Variants in FNTA observed in about 807,000 individuals in gnomAD.
FNTA encodes the protein farnesyltransferase, CAAX box, subunit alpha.
In FNTA, 27 loss-of-function variants were observed where a neutral mutation model predicts 55.2. The ratio of observed to expected loss-of-function variants is 0.49; its 90% confidence interval spans 0.36 to 0.67. FNTA has a LOEUF of 0.67. Ranked by LOEUF, FNTA falls within the 30% of genes least tolerant of loss-of-function variation. The pLI is 0.00. For synonymous variants in FNTA, 176 were observed against 170.7 expected (o/e 1.03, Z -0.24); for missense variants, 422 against 464.7 (o/e 0.91, Z 0.85).
At chr8:43,057,130 C>T (rs919146098) in intron 1 of FNTA, 3 of 152,218 alleles carry the variant, frequency 2.0e-5, no homozygotes, top group African/African-American at 7.2e-5. Flanking sequence ...CCTGCATCGC[C>T]TCGTACATAA....
At chr8:43,067,533 A>G (rs996366518) in intron 3 of FNTA, among the ~76,000 whole-genome samples, 1 of 152,174 alleles carries the variant, frequency 6.6e-6, no homozygotes, top group Non-Finnish European at 1.5e-5. Flanking sequence ...TGGAACTGAC[A>G]GTACACTTAA....
At chr8:43,076,616 G>A (rs990809682) in intron 5 of FNTA, 1 of 152,108 alleles carries the variant, frequency 6.6e-6, no homozygotes. Flanking sequence ...GGTGGCTTAC[G>A]CCTGTAATCC....
At chr8:43,061,273 T>TA (rs1353088128) in intron 2 of FNTA, among the ~76,000 whole-genome samples, 1 of 152,204 alleles carries the variant, frequency 6.6e-6, no homozygotes, top group African/African-American at 2.4e-5. Flanking sequence ...CATGAGAAGA[T>TA]ATGCACAGGA....
At chr8:43,063,161 G>T in intron 2 of FNTA, 1 of 427,042 alleles carries the variant, frequency 2.3e-6, no homozygotes, top group Non-Finnish European at 4.7e-6. Context: ...GCTCACTGCA[G>T]CCTTGACCTC....
chr8:43,056,615 G>A, intron 1 of FNTA, 69 bp downstream of exon 1: 1 of 1,063,020 alleles, frequency 9.4e-7, no homozygotes, highest in Non-Finnish European at 1.2e-6. Flanking sequence ...GACCCGCGGC[G>A]CGCGCTTCCG....
chr8:43,058,132 A>C (rs911391930), intron 1 of FNTA, among the ~76,000 whole-genome samples: 1 of 152,096 alleles, frequency 6.6e-6, no homozygotes, highest in African/African-American at 2.4e-5. Flanking sequence ...TGTGCTGTGG[A>C]TGTTTTAAGT....
chr8:43,084,328 T>G (rs1339279762), intron 7 of FNTA, among the ~76,000 whole-genome samples: 1 of 151,172 alleles, frequency 6.6e-6, no homozygotes, highest in Non-Finnish European at 1.5e-5. Flanking sequence ...CTAGTGATTC[T>G]CCCACCTCAG....
intron 2 of FNTA, among the ~76,000 whole-genome samples, chr8:43,062,171 TTATGTG>T (rs1220183901): frequency 5.3e-5 from 4 of 74,980 alleles, no homozygotes; most frequent in Admixed American, 4.3e-4. Context: ...TGTGTATGTT[TTATGTG>T]TGTGTGTGTG....
At chr8:43,074,454 G>A (rs1382807822) in intron 5 of FNTA, among the ~76,000 whole-genome samples, 1 of 152,150 alleles carries the variant, frequency 6.6e-6, no homozygotes, top group Non-Finnish European at 1.5e-5. Context: ...GAGCCCAAGA[G>A]GTGGAGGCTG....
At chr8:43,069,700 A>G (rs1348179736) in intron 4 of FNTA, 41 bp downstream of exon 4, 1 of 1,277,220 alleles carries the variant, frequency 7.8e-7, no homozygotes, top group Non-Finnish European at 1.1e-6. Context: ...GCTGGAGTGC[A>G]GTGGCATGAC....
rs187801886 is a variant in FNTA at position 43,058,451 on chromosome 8, C to T, written c.201-641C>T. ...ACTGACTCAAAGAATCTTACTAGAC[C>T]AATGAGTTAGATTGATTTCTAAGTT... On this transcript the variant is annotated intron_variant, in intron 1 of 8. Coordinates refer to ENST00000302279, the MANE Select transcript of FNTA (RefSeq NM_002027.3). 1.7e-3 allele frequency among the ~76,000 whole-genome samples: 266 copies of T among 152,216 alleles called. 3 individuals carry two copies. Among genetic ancestry groups the T allele is most frequent in the Non-Finnish European group, 4.3e-4 (29 of 68,008 alleles).
intron 5 of FNTA, among the ~76,000 whole-genome samples, chr8:43,074,680 G>A (rs1034011899): frequency 6.6e-6 from 1 of 152,124 alleles, no homozygotes; most frequent in African/African-American, 2.4e-5. Context: ...CATACTGTAT[G>A]GCTCCATTGA....
At chr8:43,073,301 A>G (rs117682297) in intron 5 of FNTA, among the ~76,000 whole-genome samples, 2,342 of 152,338 alleles carry the variant, frequency 0.015, 31 homozygotes, top group Non-Finnish European at 0.022. Flanking sequence ...ATCTTCCACA[A>G]TAGATTAAGA....
intron 6 of FNTA, chr8:43,078,398 A>C (rs1810957235): frequency 2.0e-5 from 3 of 151,340 alleles, no homozygotes. Context: ...TCTTGAGTTG[A>C]GCATGTCTTC....
chr8:43,078,259 G>A (rs2130568445), intron 6 of FNTA: 1 of 152,196 alleles, frequency 6.6e-6, no homozygotes, highest in African/African-American at 2.4e-5. Context: ...CACACTTCAT[G>A]CTTTTTTTCT....
At chr8:43,060,330 A>G (rs911560572) in intron 2 of FNTA, among the ~76,000 whole-genome samples, 3 of 152,230 alleles carry the variant, frequency 2.0e-5, no homozygotes, top group Non-Finnish European at 4.4e-5. Context: ...GGAAACTAAT[A>G]TAATCATATG....
chr8:43,056,415 G>A lies in FNTA; in HGVS notation c.69G>A (p.Pro23=), dbSNP rs763928389. 6.6e-7 allele frequency: 1 copy of A among 1,521,176 alleles called. No individual in the cohort carries two copies. Among genetic ancestry groups the A allele is most frequent in the Non-Finnish European group, 8.8e-7 (1 of 1,137,496 alleles). 94.2% of individuals were successfully genotyped at this position (1,521,176 alleles called of 1,614,324 possible). A position where few individuals can be genotyped will look rare whatever the true frequency, so the allele number is the denominator to read the frequency against. Residue 23 remains proline (P), a synonymous_variant, in exon 1 of 9, where the codon CCG becomes CCA. Coordinates refer to ENST00000302279, the MANE Select transcript of FNTA (RefSeq NM_002027.3). ...AGCCCGGGCAGCCGGCGCAACCCCC[G>A]CCCCAGCCGCACCCACCGCCGCCCC... ...GGEPGQPAQP[P]PQPHPPPPQQ...
At chr8:43,085,126 A>T in intron 8 of FNTA, 34 bp from the exon 9 acceptor site, 1 of 1,480,012 alleles carries the variant, frequency 6.8e-7, no homozygotes, top group Non-Finnish European at 9.2e-7. Flanking sequence ...AAATTGAATT[A>T]CATATTACTT....
intron 3 of FNTA, among the ~76,000 whole-genome samples, chr8:43,069,042 A>G (rs1393779878): frequency 1.3e-5 from 2 of 151,606 alleles, no homozygotes; most frequent in Non-Finnish European, 2.9e-5. Flanking sequence ...AAAGTGCTTC[A>G]TTTCTTCCAG....
Sources: allele counts gnomAD v4.1 joint callset (sites outside exome capture counted in the v4.1 genomes callset), GRCh38; gene constraint gnomAD v4.1.1; transcripts MANE v1.5; gene names NCBI Gene and HGNC (gene_info 2026-07-23, HGNC 2026-07-21).